TSPAN14: variants seen among roughly 807,000 people sequenced by gnomAD.
TSPAN14 encodes the protein tetraspanin 14.
In TSPAN14, 16 loss-of-function variants were observed where a neutral mutation model predicts 36.6. That is an observed-to-expected ratio of 0.44 (90% CI 0.30 to 0.66). The LOEUF is 0.66. TSPAN14 is among the 30% of genes least tolerant of loss of function. The pLI is 0.12. For missense variants in TSPAN14, 231 were observed against 355.1 expected, an observed-to-expected ratio of 0.65 and a Z score of 2.81; for synonymous variants, 139 against 143.8, an observed-to-expected ratio of 0.97 and a Z score of 0.24.
intron 2 of TSPAN14, among the ~76,000 whole-genome samples, chr10:80,493,795 T>G (rs1564731895): frequency 1.3e-5 from 2 of 152,188 alleles, no homozygotes; most frequent in Admixed American, 6.5e-5. Flanking sequence ...GATCTCACTT[T>G]GATGTGCAGA....
At chr10:80,485,807 A>T in intron 1 of TSPAN14, 1 of 523,378 alleles carries the variant, frequency 1.9e-6, no homozygotes, top group Non-Finnish European at 2.5e-6. Context: ...TTATTGCAAT[A>T]GTTTCCTCTT....
intron 2 of TSPAN14, among the ~76,000 whole-genome samples, chr10:80,502,454 G>A (rs1430320730): frequency 6.6e-6 from 1 of 152,200 alleles, no homozygotes; most frequent in Admixed American, 6.5e-5. Context: ...GGTGGAGCCG[G>A]GGCAGGTGGG....
At chr10:80,501,802 G>C (rs1042225942) in intron 2 of TSPAN14, among the ~76,000 whole-genome samples, 1 of 152,210 alleles carries the variant, frequency 6.6e-6, no homozygotes, top group Non-Finnish European at 1.5e-5. Flanking sequence ...AAGTGTGCCT[G>C]GGGGTAGCTA....
intron 3 of TSPAN14, 46 bp downstream of exon 3, chr10:80,504,824 C>T (rs1234548828): frequency 1.2e-6 from 2 of 1,608,124 alleles, no homozygotes; most frequent in Non-Finnish European, 1.7e-6. Context: ...CAGCCAAAAC[C>T]AGATTCGTTG....
At position 80,509,553 on chromosome 10, in the gene TSPAN14, C is replaced by G; in HGVS notation, c.450+82C>G. 1 of 1,470,046 alleles carries G rather than the reference C, an allele frequency of 6.8e-7. No individual in the cohort carries two copies. The highest frequency in any genetic ancestry group is 1.4e-5 in the African/African-American group (1 of 71,702). 91.1% of individuals were successfully genotyped at this position (1,470,046 alleles called of 1,614,324 possible). On this transcript the variant is annotated intron_variant, in intron 5 of 8. Coordinates refer to ENST00000429989, the Ensembl canonical transcript of TSPAN14. This position sits in a 1 kb window ranked among gnomAD's most constrained non-coding sequence, Gnocchi z 4.7. ...AGCTGAGTCTAGCAGGGGCATCAGG[C>G]CTTCTCTGTGGGTTGTCTGCCTGCA...
chr10:80,509,577 C>A lies in TSPAN14; in HGVS notation c.450+106C>A. On this transcript the variant is annotated intron_variant, in intron 5 of 8. Transcript: ENST00000429989. The surrounding 1 kb of genome is among the most constrained non-coding windows in gnomAD (Gnocchi z 4.7). ...GCCTTCTCTGTGGGTTGTCTGCCTGCAGCTTGGCAGACAGCAGGGAGGCCG... is the reference window on the plus strand; with the variant it reads ...GCCTTCTCTGTGGGTTGTCTGCCTGAAGCTTGGCAGACAGCAGGGAGGCCG... 1 of 1,223,550 alleles carries A rather than the reference C, an allele frequency of 8.2e-7. No individual in the cohort carries two copies. The highest frequency in any genetic ancestry group is 1.1e-6 in the Non-Finnish European group (1 of 877,202). The allele number at this position is 1,223,550 out of a possible 1,614,324, so 75.8% of individuals were successfully genotyped here.
In TSPAN14 at chr10:80,509,638, T is replaced by G; in HGVS notation, c.450+167T>G. On this transcript the variant is annotated intron_variant, in intron 5 of 8. Transcript: ENST00000429989. This position sits in a 1 kb window ranked among gnomAD's most constrained non-coding sequence, Gnocchi z 4.7. ...CACTCCACCTCTGGTCTGTTCCACT[T>G]TGCCGGCTTGTGGTTGCCTGGTGGG... The G allele has an allele frequency of 1.4e-6, 1 of 715,800 alleles. No individual in the cohort carries two copies. 44.3% of individuals were successfully genotyped at this position (715,800 alleles called of 1,614,324 possible). A position where few individuals can be genotyped will look rare whatever the true frequency, so the allele number is the denominator to read the frequency against.
intron 7 of TSPAN14, 59 bp from the exon 8 acceptor site, chr10:80,516,145 G>T (rs1364482405): frequency 6.2e-7 from 1 of 1,611,286 alleles, no homozygotes. Context: ...CTCACTAGGG[G>T]ATCAGGTGGG....
At chr10:80,461,370 T>C (rs1845958793) in intron 1 of TSPAN14, among the ~76,000 whole-genome samples, 2 of 152,154 alleles carry the variant, frequency 1.3e-5, no homozygotes, top group Non-Finnish European at 2.9e-5. Flanking sequence ...AGTGGAACAG[T>C]GGTGGTGCCA....
chr10:80,521,887 G>GCA (rs1039904979), exon 9 of TSPAN14: 3 of 139,412 alleles, frequency 2.2e-5, no homozygotes, highest in Non-Finnish European at 4.5e-5. Flanking sequence ...TCACACCACT[G>GCA]CACTCCAGCC....
At chr10:80,476,535 C>T (rs1846916176) in intron 1 of TSPAN14, among the ~76,000 whole-genome samples, 1 of 151,116 alleles carries the variant, frequency 6.6e-6, no homozygotes, top group South Asian at 2.1e-4. Flanking sequence ...CCTGTCTCAG[C>T]CTCCCGAGTA....
exon 4 of TSPAN14, chr10:80,507,256 C>A: frequency 6.2e-7 from 1 of 1,614,212 alleles, no homozygotes; most frequent in Non-Finnish European, 8.5e-7. Flanking sequence ...ACCAAAGTGA[C>A]CCGGATGCAT....
intron 1 of TSPAN14, among the ~76,000 whole-genome samples, chr10:80,482,732 CTTTTTTTTT>C (rs34769982): frequency 9.0e-6 from 1 of 110,548 alleles, no homozygotes. Flanking sequence ...TTTTCTTTTC[CTTTTTTTTT>C]TTTTTTTTTT....
intron 1 of TSPAN14, among the ~76,000 whole-genome samples, chr10:80,458,916 A>G (rs17680430): frequency 0.071 from 10,840 of 152,114 alleles, 514 homozygotes; most frequent in Middle Eastern, 0.11. Flanking sequence ...TGGTGAGGCA[A>G]GCTTTCAAGT....
chr10:80,492,047 C>T (rs970506332), intron 2 of TSPAN14, among the ~76,000 whole-genome samples: 3 of 152,198 alleles, frequency 2.0e-5, no homozygotes, highest in Non-Finnish European at 4.4e-5. Context: ...TCTGGGCACC[C>T]AGGGCCTCCC....
chr10:80,487,967 C>A (rs1847707910), intron 1 of TSPAN14, among the ~76,000 whole-genome samples: 1 of 152,192 alleles, frequency 6.6e-6, no homozygotes, highest in Non-Finnish European at 1.5e-5. Context: ...ACATTGCAGA[C>A]CAGCAGCCAG....
At chr10:80,512,222 C>A (rs1303310047) in exon 6 of TSPAN14, 1 of 1,614,188 alleles carries the variant, frequency 6.2e-7, no homozygotes, top group African/African-American at 1.3e-5. Flanking sequence ...CAGCTACAGC[C>A]GAGAGAAGTG....
At chr10:80,503,981 C>T (rs531307554) in intron 2 of TSPAN14, among the ~76,000 whole-genome samples, 5 of 152,116 alleles carry the variant, frequency 3.3e-5, no homozygotes, top group South Asian at 2.1e-4. Flanking sequence ...TTTGGGTGGG[C>T]GCCTTTCTGT....
intron 1 of TSPAN14, among the ~76,000 whole-genome samples, chr10:80,455,730 G>A (rs1290168973): frequency 6.6e-6 from 1 of 152,096 alleles, no homozygotes. Flanking sequence ...CCAGAATGAA[G>A]CCCAGACTCC....
Sources: allele counts gnomAD v4.1 joint callset (sites outside exome capture counted in the v4.1 genomes callset), GRCh38; gene constraint gnomAD v4.1.1; non-coding constraint Gnocchi (gnomAD v3.1); transcripts MANE v1.5; gene names NCBI Gene and HGNC (gene_info 2026-07-23, HGNC 2026-07-21).